Variants in UNC13C observed in about 807,000 individuals in gnomAD.
UNC13C encodes the protein unc-13 homolog C.
A neutral mutation model predicts 245.4 loss-of-function variants in UNC13C; 174 were observed. The observed-to-expected ratio is 0.71, with a 90% confidence interval of 0.63 to 0.80. The LOEUF (loss-of-function observed/expected upper bound fraction) is 0.80, where lower values mean the gene tolerates loss of function less well. Ranked by LOEUF, UNC13C falls within the 30% of genes least tolerant of loss-of-function variation. The pLI is 0.00. For missense variants in UNC13C, 2,829 were observed against 2,602.9 expected, an observed-to-expected ratio of 1.09 and a Z score of -1.89; for synonymous variants, 992 against 895.1, an observed-to-expected ratio of 1.11 and a Z score of -1.93.
chr15:54,317,130 A>C (rs2038028134), intron 13 of UNC13C, among the ~76,000 whole-genome samples: 1 of 151,996 alleles, frequency 6.6e-6, no homozygotes, highest in South Asian at 2.1e-4. Context: ...ATCAATTTTC[A>C]TAGATGAATG....
intron 2 of UNC13C, among the ~76,000 whole-genome samples, chr15:54,099,469 A>G (rs1203733671): frequency 6.6e-6 from 1 of 152,102 alleles, no homozygotes; most frequent in East Asian, 1.9e-4. Context: ...TATTTCTTCA[A>G]TACATTTGCT....
chr15:54,477,651 G>T (rs1462902802), intron 19 of UNC13C, among the ~76,000 whole-genome samples: 3 of 132,492 alleles, frequency 2.3e-5, no homozygotes, highest in South Asian at 2.7e-4. Flanking sequence ...GAATCCCAGG[G>T]ATGAAGCCCA....
At chr15:54,457,398 A>T (rs944178379) in intron 19 of UNC13C, among the ~76,000 whole-genome samples, 3 of 152,040 alleles carry the variant, frequency 2.0e-5, no homozygotes, top group African/African-American at 7.2e-5. Context: ...TCATAGAATG[A>T]GTTAGGGAGG....
intron 4 of UNC13C, among the ~76,000 whole-genome samples, chr15:54,161,887 G>T (rs1049293292): frequency 2.6e-5 from 4 of 152,098 alleles, no homozygotes; most frequent in South Asian, 2.1e-4. Flanking sequence ...GGCAGAAGTT[G>T]CAGTGAGCCG....
chr15:54,382,752 G>A (rs190748981), intron 17 of UNC13C, among the ~76,000 whole-genome samples: 1 of 152,136 alleles, frequency 6.6e-6, no homozygotes, highest in African/African-American at 2.4e-5. Flanking sequence ...AGAAACCAAT[G>A]CAAAAGTTGG....
chr15:54,385,800 A>G (rs1361098696), intron 17 of UNC13C, among the ~76,000 whole-genome samples: 1 of 152,076 alleles, frequency 6.6e-6, no homozygotes, highest in Non-Finnish European at 1.5e-5. Context: ...CTATGCGTGC[A>G]AGGAACACTC....
intron 17 of UNC13C, among the ~76,000 whole-genome samples, chr15:54,371,714 A>G (rs1015574430): frequency 5.1e-5 from 6 of 117,060 alleles, no homozygotes; most frequent in Non-Finnish European, 1.1e-4. Flanking sequence ...GGATATATAT[A>G]TATACACACA....
intron 4 of UNC13C, among the ~76,000 whole-genome samples, chr15:54,215,358 A>G (rs1261068576): frequency 1.3e-5 from 2 of 151,932 alleles, no homozygotes; most frequent in Non-Finnish European, 2.9e-5. Context: ...TACTGGAAAT[A>G]CAATTTGAAA....
the UNC13C span, among the ~76,000 whole-genome samples, chr15:53,942,045 C>T: frequency 3.3e-5 from 5 of 152,108 alleles, no homozygotes; most frequent in East Asian, 1.9e-4. Context: ...CCAGCAATCC[C>T]GTTACTGGAT....
chr15:54,049,314 A>C, intron 2 of UNC13C: 1 of 521,160 alleles, frequency 1.9e-6, no homozygotes, highest in Non-Finnish European at 3.8e-6. Context: ...AGGGCCCTTC[A>C]TATGAATATA....
At chr15:54,436,040 T>C (rs2040979053) in intron 19 of UNC13C, among the ~76,000 whole-genome samples, 1 of 152,046 alleles carries the variant, frequency 6.6e-6, no homozygotes, top group South Asian at 2.1e-4. Context: ...TGAGATTCCA[T>C]CTAACACCAG....
At position 54,165,622 on chromosome 15, in the gene UNC13C, TATAAC is replaced by T. The variant is rs961348426; in HGVS notation, c.3071+21943_3071+21947del. ...ATAGTAAAACATTCAAATAGAATAA[TATAAC>T]ATAATTTATTTAATCAGCATTTTGA... is the stretch of plus-strand genomic sequence containing the variant. On this transcript the variant is annotated intron_variant, in intron 4 of 32. Coordinates refer to ENST00000260323, the MANE Select transcript of UNC13C (RefSeq NM_001080534.3). Among the ~76,000 whole-genome samples, 7 of 152,196 alleles carry T rather than the reference TATAAC, an allele frequency of 4.6e-5. No homozygotes were observed. The East Asian group carries it at 7.7e-4, about 17-fold the overall frequency.
chr15:54,290,904 C>G (rs2037280226), intron 10 of UNC13C, among the ~76,000 whole-genome samples: 1 of 152,016 alleles, frequency 6.6e-6, no homozygotes. Flanking sequence ...TACATAAACT[C>G]TGATGATTTA....
chr15:54,343,785 T>C (rs1268512557), intron 17 of UNC13C, among the ~76,000 whole-genome samples: 1 of 152,096 alleles, frequency 6.6e-6, no homozygotes, highest in Non-Finnish European at 1.5e-5. Context: ...AAAGAGAAAT[T>C]GGGCTCAACT....
intron 19 of UNC13C, among the ~76,000 whole-genome samples, chr15:54,483,486 G>GTTTTC (rs374408480): frequency 4.6e-5 from 7 of 152,028 alleles, no homozygotes; most frequent in Non-Finnish European, 5.9e-5. Flanking sequence ...GAATTACGCT[G>GTTTTC]TTTTCTTTTC....
the UNC13C span, among the ~76,000 whole-genome samples, chr15:53,876,223 G>A: frequency 8.5e-5 from 13 of 152,092 alleles, no homozygotes; most frequent in Middle Eastern, 3.2e-3. Flanking sequence ...GGCACTAAAC[G>A]AACTCATCAA....
the UNC13C span, among the ~76,000 whole-genome samples, chr15:53,954,007 G>A: frequency 1.3e-5 from 2 of 152,306 alleles, no homozygotes; most frequent in East Asian, 1.9e-4. Flanking sequence ...TAGTGAAGGA[G>A]CAGCAAGGCA....
chr15:54,338,460 C>T lies in UNC13C; in HGVS notation c.4684C>T (p.His1562Tyr). 4 of 1,613,522 alleles carry T rather than the reference C, an allele frequency of 2.5e-6. No homozygotes were observed. The highest frequency in any genetic ancestry group is 1.7e-5 in the Admixed American group (1 of 60,014). Residue 1562 changes from histidine (H) to tyrosine (Y), a missense_variant, in exon 17 of 33, where the codon CAT (histidine) becomes TAT (tyrosine). By Grantham distance (83) the His-to-Tyr change is moderately conservative (BLOSUM62 2). Coordinates refer to ENST00000260323, the MANE Select transcript of UNC13C (RefSeq NM_001080534.3). ...STYKYIFDNCHELYSQLTDPS... is the reference protein window; with the variant it reads ...STYKYIFDNCYELYSQLTDPS... ...ATACAAGTATATTTTTGACAACTGC[C>T]ATGAACTCTACTCCCAGCTAACAGA...
chr15:54,293,366 T>C (rs557171005), intron 10 of UNC13C, among the ~76,000 whole-genome samples: 1 of 152,150 alleles, frequency 6.6e-6, no homozygotes, highest in South Asian at 2.1e-4. Flanking sequence ...GCACAGTTTG[T>C]TCTTTAAATC....
Sources: allele counts gnomAD v4.1 joint callset (sites outside exome capture counted in the v4.1 genomes callset), GRCh38; gene constraint gnomAD v4.1.1; transcripts MANE v1.5; gene names NCBI Gene and HGNC (gene_info 2026-07-23, HGNC 2026-07-21).